The following PDZRN4 variants were observed in gnomAD, a reference collection of about 807,000 sequenced individuals.
The protein encoded by PDZRN4 is PDZ domain-containing RING finger protein 4.
Under a neutral mutation model 99.0 loss-of-function variants are expected in PDZRN4, and 70 were observed. That is an observed-to-expected ratio of 0.71 (90% CI 0.58 to 0.86). The LOEUF (loss-of-function observed/expected upper bound fraction) is 0.86, where lower values mean the gene tolerates loss of function less well. PDZRN4 is among the 40% of genes least tolerant of loss of function. The pLI is 0.00. For missense variants in PDZRN4, 1,474 were observed against 1,331.2 expected, an observed-to-expected ratio of 1.11 and a Z score of -1.67; for synonymous variants, 551 against 501.6, an observed-to-expected ratio of 1.10 and a Z score of -1.32.
chr12:41,574,032 T>C lies in PDZRN4; in HGVS notation c.*142T>C. The C allele has an allele frequency of 2.0e-6, 1 of 487,862 alleles. No individual in the cohort carries two copies. The allele number at this position is 487,862 out of a possible 1,614,324, so 30.2% of individuals were successfully genotyped here. A position where few individuals can be genotyped will look rare whatever the true frequency, so the allele number is the denominator to read the frequency against. ...AAATTTTTTGTAAGCAAAAAATACCTGGTAATTTTTCATTTGTTTTTCATA... is the reference window on the plus strand; with the variant it reads ...AAATTTTTTGTAAGCAAAAAATACCCGGTAATTTTTCATTTGTTTTTCATA... On this transcript the variant is annotated 3_prime_UTR_variant, in exon 10 of 10. Transcript: ENST00000402685.
chr12:41,478,499 AAT>A (rs976246129), intron 3 of PDZRN4, among the ~76,000 whole-genome samples: 26 of 151,836 alleles, frequency 1.7e-4, no homozygotes, highest in African/African-American at 6.1e-4. Flanking sequence ...GTTACAAAAA[AAT>A]AAAAGAGCAG....
chr12:41,210,411 T>C (rs145466423), intron 3 of PDZRN4, among the ~76,000 whole-genome samples: 1,771 of 152,054 alleles, frequency 0.012, 55 homozygotes, highest in East Asian at 0.1. Flanking sequence ...CTATAGAAAG[T>C]GTTCAAGAAA....
At chr12:41,378,248 A>G (rs1952095898) in intron 3 of PDZRN4, among the ~76,000 whole-genome samples, 1 of 152,160 alleles carries the variant, frequency 6.6e-6, no homozygotes, top group African/African-American at 2.4e-5. Context: ...ACAGATTTTC[A>G]TTCTTCTTCC....
intron 3 of PDZRN4, among the ~76,000 whole-genome samples, chr12:41,329,248 C>T (rs1951729023): frequency 6.6e-6 from 1 of 152,076 alleles, no homozygotes; most frequent in Non-Finnish European, 1.5e-5. Flanking sequence ...ATTGCACACA[C>T]CCATTCTCCT....
intron 3 of PDZRN4, among the ~76,000 whole-genome samples, chr12:41,359,968 C>T (rs1054476297): frequency 3.3e-5 from 5 of 151,874 alleles, no homozygotes; most frequent in South Asian, 2.1e-4. Context: ...AGTTTTCCAT[C>T]GGGGGATAAT....
intron 5 of PDZRN4, among the ~76,000 whole-genome samples, chr12:41,517,704 C>A (rs1938425732): frequency 6.6e-6 from 1 of 152,028 alleles, no homozygotes; most frequent in Non-Finnish European, 1.5e-5. Flanking sequence ...GAATGTAACT[C>A]ATATAAGCAA....
intron 3 of PDZRN4, among the ~76,000 whole-genome samples, chr12:41,291,883 C>T (rs79303206): frequency 0.02 from 3,111 of 152,142 alleles, 80 homozygotes; most frequent in African/African-American, 0.058. Context: ...AAACCTGGTA[C>T]ATGAGATGCA....
intron 5 of PDZRN4, among the ~76,000 whole-genome samples, chr12:41,525,737 A>G (rs1938557160): frequency 6.6e-6 from 1 of 152,132 alleles, no homozygotes; most frequent in Admixed American, 6.5e-5. Flanking sequence ...TACCTTGTGG[A>G]TGATAGGGTC....
At chr12:41,200,919 C>G (rs747002271) in intron 3 of PDZRN4, among the ~76,000 whole-genome samples, 7 of 152,030 alleles carry the variant, frequency 4.6e-5, no homozygotes, top group Non-Finnish European at 7.4e-5. Context: ...AGAGATGATG[C>G]CTTAATGACA....
At chr12:41,190,903 A>G (rs1950731837) in intron 1 of PDZRN4, among the ~76,000 whole-genome samples, 1 of 152,212 alleles carries the variant, frequency 6.6e-6, no homozygotes, top group African/African-American at 2.4e-5. Flanking sequence ...TTTATTCTGC[A>G]GGAATTATGC....
At chr12:41,378,470 G>A (rs1402458533) in intron 3 of PDZRN4, among the ~76,000 whole-genome samples, 1 of 150,670 alleles carries the variant, frequency 6.6e-6, no homozygotes, top group Non-Finnish European at 1.5e-5. Flanking sequence ...TTCATATCAG[G>A]GTAATAATGG....
At position 41,339,874 on chromosome 12, in the gene PDZRN4, T is replaced by C. The variant is rs144824190; in HGVS notation, c.843+145686T>C. Among the ~76,000 whole-genome samples, 12 of 152,198 alleles carry C rather than the reference T, an allele frequency of 7.9e-5. No homozygotes were observed. In the East Asian group the frequency reaches 2.1e-3, roughly 27 times the overall value. On this transcript the variant is annotated intron_variant, in intron 3 of 9. Coordinates refer to ENST00000402685, the MANE Select transcript of PDZRN4 (RefSeq NM_001164595.2). ...AATGCAAATCAAAACTAAAATGAGATATTATTTTACCCCAGTTAACATGGC... is the reference window on the plus strand; with the variant it reads ...AATGCAAATCAAAACTAAAATGAGACATTATTTTACCCCAGTTAACATGGC...
intron 3 of PDZRN4, among the ~76,000 whole-genome samples, chr12:41,314,030 C>T (rs1951623690): frequency 6.6e-6 from 1 of 152,122 alleles, no homozygotes; most frequent in Non-Finnish European, 1.5e-5. Flanking sequence ...TACTTTGAGA[C>T]CACCTATTAC....
intron 3 of PDZRN4, among the ~76,000 whole-genome samples, chr12:41,386,763 G>A (rs1027546166): frequency 6.6e-6 from 1 of 152,084 alleles, no homozygotes; most frequent in African/African-American, 2.4e-5. Flanking sequence ...GGTGGTACTG[G>A]AACAAAAAGT....
At chr12:41,524,689 G>T (rs1237915414) in intron 5 of PDZRN4, among the ~76,000 whole-genome samples, 1 of 152,112 alleles carries the variant, frequency 6.6e-6, no homozygotes, top group Non-Finnish European at 1.5e-5. Context: ...GAAATAAAAG[G>T]ATATTAGAGG....
chr12:41,512,426 G>A (rs1308264571), intron 5 of PDZRN4, among the ~76,000 whole-genome samples: 1 of 152,052 alleles, frequency 6.6e-6, no homozygotes, highest in Non-Finnish European at 1.5e-5. Context: ...GAGAACTAAA[G>A]AATATAAGAG....
chr12:41,531,991 C>G (rs1326179333), intron 5 of PDZRN4, among the ~76,000 whole-genome samples: 7 of 151,916 alleles, frequency 4.6e-5, no homozygotes, highest in Non-Finnish European at 1.0e-4. Flanking sequence ...TCTATCTAGT[C>G]TAAAAAAATC....
At chr12:41,360,683 T>G (rs1272663840) in intron 3 of PDZRN4, among the ~76,000 whole-genome samples, 1 of 152,004 alleles carries the variant, frequency 6.6e-6, no homozygotes, top group Non-Finnish European at 1.5e-5. Context: ...ATAAACTGAA[T>G]AGACTAAAGG....
chr12:41,264,038 G>T (rs1951261424), intron 3 of PDZRN4, among the ~76,000 whole-genome samples: 1 of 152,158 alleles, frequency 6.6e-6, no homozygotes, highest in Non-Finnish European at 1.5e-5. Context: ...AAATATAAAA[G>T]TATAGTTAAC....
Sources: gnomAD v4.1 joint callset for allele counts (sites outside exome capture counted in the v4.1 genomes callset) on GRCh38, gnomAD v4.1.1 for gene constraint, MANE v1.5 for transcripts, NCBI Gene and HGNC (gene_info 2026-07-23, HGNC 2026-07-21) for gene names.